Variants in CACNA1I observed in about 807,000 individuals in gnomAD.
CACNA1I encodes voltage-dependent T-type calcium channel subunit alpha-1I.
A neutral mutation model predicts 201.6 loss-of-function variants in CACNA1I; 74 were observed. The observed-to-expected ratio is 0.37, with a 90% CI of 0.30 to 0.45. The LOEUF is 0.45. Among genes scored for constraint, CACNA1I ranks in the 20% least tolerant of loss-of-function variants. The pLI is 1.00. For synonymous variants in CACNA1I, 1,431 were observed against 1,345.2 expected, an observed-to-expected ratio of 1.06 and a Z score of -1.40; for missense variants, 2,346 against 3,138.1, an observed-to-expected ratio of 0.75 and a Z score of 6.03.
Position 39,681,070 on chromosome 22 carries a change from C to T in CACNA1I, c.5664+18C>T, listed in dbSNP as rs768705665. The T allele has an allele frequency of 1.9e-6, 3 of 1,602,016 alleles. No individual in the cohort carries two copies. In the South Asian group the frequency reaches 3.3e-5, roughly 18 times the overall value. ...ACAGCAAGGTCAGCTCCCCTGGGGA[C>T]TCCTGAGCAGGCGGGTCTGTCCTTG... is the stretch of plus-strand genomic sequence containing the variant. On this transcript the variant is annotated intron_variant, in intron 34 of 36. Transcript: ENST00000402142.
chr22:39,640,761 G>A (rs1934331728), intron 5 of CACNA1I, 106 bp from the exon 6 acceptor site: 1 of 897,400 alleles, frequency 1.1e-6, no homozygotes, highest in Non-Finnish European at 1.7e-6. Flanking sequence ...AGGCCTGGAG[G>A]CAGTGACAAG....
chr22:39,668,887 G>A (rs1935282068), intron 24 of CACNA1I, among the ~76,000 whole-genome samples: 1 of 152,056 alleles, frequency 6.6e-6, no homozygotes, highest in African/African-American at 2.4e-5. Context: ...GAGAGAGCCG[G>A]TGAGGGACTT....
At chr22:39,598,589 C>T (rs1932948240) in intron 2 of CACNA1I, among the ~76,000 whole-genome samples, 1 of 152,014 alleles carries the variant, frequency 6.6e-6, no homozygotes, top group Admixed American at 6.6e-5. Context: ...TACCCGGGTG[C>T]CCCCACCAGC....
In CACNA1I at chr22:39,685,920, G is replaced by A. The variant is rs1002731847; in HGVS notation, c.6187G>A (p.Ala2063Thr). Residue 2063 changes from alanine (A) to threonine (T), a missense_variant, in exon 37 of 37, where the codon GCT becomes ACT. This residue lies in a region of CACNA1I where 441 missense variants were observed against 555.6 expected (regional missense o/e 0.79). Coordinates refer to ENST00000402142, the MANE Select transcript of CACNA1I (RefSeq NM_021096.4). The surrounding 1 kb of genome is among the most constrained non-coding windows in gnomAD (Gnocchi z 5.0). ...ACCCCGGGCCGGCCTGTCCCCCGCC[G>A]CTCGCCGCCGCCTGAGCCTGCGCGG... ...PGPRAGLSPA[A>T]RRRLSLRGRG... is the part of the protein sequence containing the mutation. 2 of 1,317,184 alleles carry A rather than the reference G, an allele frequency of 1.5e-6. No individual in the cohort carries two copies. The highest frequency in any genetic ancestry group is 1.9e-6 in the Non-Finnish European group (2 of 1,043,822). 81.6% of individuals were successfully genotyped at this position (1,317,184 alleles called of 1,614,324 possible). A position where few individuals can be genotyped will look rare whatever the true frequency, so the allele number is the denominator to read the frequency against.
Position 39,570,938 on chromosome 22 carries a change from G to T in CACNA1I, c.186G>T (p.Leu62=). The change falls in exon 1 of 37, where the codon CTG becomes CTT. Residue 62 remains leucine, a synonymous_variant. Transcript: ENST00000402142. ...TGGCGCCTATTGCCTTCTTCTGCCT[G>T]CGACAGACCACCAGCCCCCGGAACT... ...PDLAPIAFFC[L]RQTTSPRNWC... 6.2e-7 allele frequency: 1 copy of T among 1,613,802 alleles called. No individual in the cohort carries two copies. The highest frequency in any genetic ancestry group is 2.2e-5 in the East Asian group (1 of 44,878).
At chr22:39,662,510 G>T in intron 17 of CACNA1I, 75 bp downstream of exon 17, 10 of 1,160,162 alleles carry the variant, frequency 8.6e-6, no homozygotes, top group Non-Finnish European at 1.2e-5. Context: ...CAGGAGGCGG[G>T]GCCCGAGCGG....
intron 14 of CACNA1I, 107 bp from the exon 15 acceptor site, chr22:39,660,237 C>T (rs905955192): frequency 2.6e-6 from 2 of 777,672 alleles, no homozygotes; most frequent in Non-Finnish European, 4.2e-6. Flanking sequence ...CCTCAGTTTT[C>T]CCATTTGCAA....
At chr22:39,598,049 T>TATGC (rs1407925219) in intron 1 of CACNA1I, 102 bp from the exon 2 acceptor site, 1 of 685,496 alleles carries the variant, frequency 1.5e-6, no homozygotes, top group Admixed American at 2.1e-5. Flanking sequence ...GAATGGGGTG[T>TATGC]ATGCCTGTGT....
chr22:39,619,868 G>A (rs767052046), intron 4 of CACNA1I, among the ~76,000 whole-genome samples: 13 of 152,044 alleles, frequency 8.6e-5, no homozygotes, highest in Non-Finnish European at 1.9e-4. Context: ...ACCACAGATC[G>A]ATGTACCTAC....
Position 39,585,919 on chromosome 22 carries a change from G to A in CACNA1I, c.237-12232G>A, listed in dbSNP as rs150776421. 6.0e-4 allele frequency among the ~76,000 whole-genome samples: 91 copies of A among 151,744 alleles called. 1 individual carries two copies. Among genetic ancestry groups the A allele is most frequent in the African/African-American group, 2.2e-3 (89 of 41,380 alleles). ...CATTTGACCTGGCGCGGTGGCTCAC[G>A]CCTGTAATCCCAGCACTTTGGAGGC... On this transcript the variant is annotated intron_variant, in intron 1 of 36. Coordinates refer to ENST00000402142, the MANE Select transcript of CACNA1I (RefSeq NM_021096.4).
At chr22:39,634,482 G>A in intron 4 of CACNA1I, 83 bp from the exon 5 acceptor site, 1 of 1,388,580 alleles carries the variant, frequency 7.2e-7, no homozygotes, top group Non-Finnish European at 1.0e-6. Context: ...CCCCCTCCCT[G>A]TTTCTCTAAC....
intron 1 of CACNA1I, among the ~76,000 whole-genome samples, chr22:39,573,453 G>A (rs1431968504): frequency 1.3e-5 from 2 of 152,050 alleles, no homozygotes; most frequent in Non-Finnish European, 2.9e-5. Flanking sequence ...GTCACGGAGA[G>A]GCCCCTAGAT....
chr22:39,581,779 TA>T (rs1980697022), intron 1 of CACNA1I, among the ~76,000 whole-genome samples: 1 of 152,238 alleles, frequency 6.6e-6, no homozygotes, highest in South Asian at 2.1e-4. Flanking sequence ...TAAGTCTTTT[TA>T]ATCAGCCAGG....
chr22:39,609,086 C>CTCT (rs1478246922), intron 3 of CACNA1I, among the ~76,000 whole-genome samples: 1 of 151,844 alleles, frequency 6.6e-6, no homozygotes, highest in Non-Finnish European at 1.5e-5. Context: ...TCTCTGATGC[C>CTCT]TCCAGGAGTG....
chr22:39,602,501 C>T (rs11914039), intron 3 of CACNA1I, among the ~76,000 whole-genome samples: 7,404 of 152,186 alleles, frequency 0.049, 565 homozygotes, highest in African/African-American at 0.16. Flanking sequence ...CTCTTAGTCA[C>T]GTTCTTCGTT....
intron 35 of CACNA1I, among the ~76,000 whole-genome samples, chr22:39,683,670 G>A (rs935411984): frequency 5.3e-5 from 8 of 152,284 alleles, no homozygotes; most frequent in African/African-American, 1.9e-4. Flanking sequence ...GCAAGGTGTG[G>A]AGGGGACTGT....
At chr22:39,571,654 C>A (rs566487151) in intron 1 of CACNA1I, among the ~76,000 whole-genome samples, 2 of 152,344 alleles carry the variant, frequency 1.3e-5, no homozygotes, top group South Asian at 4.1e-4. Context: ...ACTGGCTCTT[C>A]CCCCTGTCTG....
At chr22:39,669,976 C>T (rs1193196775) in intron 24 of CACNA1I, 62 bp from the exon 25 acceptor site, 18 of 1,583,794 alleles carry the variant, frequency 1.1e-5, no homozygotes, top group African/African-American at 2.7e-5. Context: ...CCAGGATGGG[C>T]ACCTCCCCAT....
Position 39,666,044 on chromosome 22 carries a change from C to T in CACNA1I, c.4104+38C>T, listed in dbSNP as rs1569091244. 6.3e-7 allele frequency: 1 copy of T among 1,597,016 alleles called. No homozygotes were observed. The highest frequency in any genetic ancestry group is 8.5e-7 in the Non-Finnish European group (1 of 1,170,524). Reference sequence around the variant, plus strand: ...GTCCTAGCCCTGATCAGACCCTCCCCTCTCTTGGATGCCAGTGGCTCTGGG... The same window carrying T: ...GTCCTAGCCCTGATCAGACCCTCCCTTCTCTTGGATGCCAGTGGCTCTGGG... On this transcript the variant is annotated intron_variant, in intron 23 of 36. Transcript: ENST00000402142. This position sits in a 1 kb window ranked among gnomAD's most constrained non-coding sequence, Gnocchi z 4.1.
Sources: allele counts gnomAD v4.1 joint callset (sites outside exome capture counted in the v4.1 genomes callset), GRCh38; gene constraint gnomAD v4.1.1; regional missense constraint gnomAD v4.1.1; non-coding constraint Gnocchi (gnomAD v3.1); transcripts MANE v1.5; gene names NCBI Gene and HGNC (gene_info 2026-07-23, HGNC 2026-07-21).